NUDCD1: variants seen among roughly 807,000 people sequenced by gnomAD.
The protein encoded by NUDCD1 is NudC domain containing 1, also known as nudC domain-containing protein 1.
NUDCD1 carries 60 observed loss-of-function variants against 67.8 expected under a neutral mutation model. The observed-to-expected ratio is 0.88, with a 90% confidence interval of 0.72 to 1.10. The LOEUF (loss-of-function observed/expected upper bound fraction) is 1.10, where lower values mean the gene tolerates loss of function less well. Ranked by LOEUF, NUDCD1 falls within the 50% of genes least tolerant of loss-of-function variation. The pLI is 0.00. For synonymous variants in NUDCD1, 244 were observed against 230.8 expected (o/e 1.06, Z -0.52); for missense variants, 643 against 695.0 (o/e 0.93, Z 0.84).
intron 2 of NUDCD1, among the ~76,000 whole-genome samples, chr8:109,311,771 G>A (rs895715773): frequency 6.6e-6 from 1 of 151,628 alleles, no homozygotes; most frequent in Non-Finnish European, 1.5e-5. Flanking sequence ...GGACTCGGGG[G>A]AAAGAGTGGG....
chr8:109,270,841 G>A (rs972813626), intron 8 of NUDCD1, among the ~76,000 whole-genome samples, 164 bp downstream of exon 8: 22 of 152,108 alleles, frequency 1.4e-4, no homozygotes, highest in African/African-American at 5.3e-4. Flanking sequence ...ATACAACACT[G>A]TTTTGCTGAG....
chr8:109,256,191 C>T (rs1241829814), intron 8 of NUDCD1, among the ~76,000 whole-genome samples: 1 of 151,978 alleles, frequency 6.6e-6, no homozygotes, highest in African/African-American at 2.4e-5. Context: ...AGAGCGATAC[C>T]CGTCTCAAAA....
intron 2 of NUDCD1, among the ~76,000 whole-genome samples, chr8:109,312,758 G>C (rs1815288090): frequency 6.6e-6 from 1 of 152,174 alleles, no homozygotes; most frequent in African/African-American, 2.4e-5. Context: ...TTACTAGCTA[G>C]CCTGGCACTA....
intron 8 of NUDCD1, among the ~76,000 whole-genome samples, chr8:109,257,173 TA>T (rs1813759690): frequency 6.6e-6 from 1 of 151,982 alleles, no homozygotes; most frequent in African/African-American, 2.4e-5. Context: ...GAAAAAGAAA[TA>T]AAACGTATGC....
At chr8:109,272,935 T>C (rs563933833) in intron 7 of NUDCD1, among the ~76,000 whole-genome samples, 4 of 152,250 alleles carry the variant, frequency 2.6e-5, no homozygotes, top group South Asian at 4.1e-4. Flanking sequence ...TCCAGCAGAA[T>C]AGAGAAAGTA....
intron 2 of NUDCD1, among the ~76,000 whole-genome samples, chr8:109,312,937 C>T (rs1329152011): frequency 2.6e-5 from 4 of 152,336 alleles, no homozygotes; most frequent in South Asian, 4.1e-4. Flanking sequence ...CCAATATAAG[C>T]AGCTGCAGCT....
At chr8:109,329,849 C>G in intron 1 of NUDCD1, 1 of 1,550,352 alleles carries the variant, frequency 6.5e-7, no homozygotes, top group East Asian at 2.4e-5. Flanking sequence ...AAACGATGGA[C>G]ATGGGACCCT....
chr8:109,284,962 A>G (rs1336711003), intron 5 of NUDCD1, among the ~76,000 whole-genome samples: 1 of 151,184 alleles, frequency 6.6e-6, no homozygotes, highest in African/African-American at 2.4e-5. Flanking sequence ...AATAAACACA[A>G]TCAGAAATGA....
intron 5 of NUDCD1, among the ~76,000 whole-genome samples, chr8:109,283,427 T>A (rs1814502087): frequency 6.6e-6 from 1 of 152,062 alleles, no homozygotes; most frequent in Admixed American, 6.5e-5. Flanking sequence ...CATTCAGGTA[T>A]AAGAAATCCA....
At chr8:109,306,899 C>A (rs769505955) in intron 2 of NUDCD1, among the ~76,000 whole-genome samples, 3 of 152,102 alleles carry the variant, frequency 2.0e-5, no homozygotes, top group Non-Finnish European at 2.9e-5. Flanking sequence ...TCCCATGCTG[C>A]CCCTAATCCC....
chr8:109,262,605 G>T (rs1471553198), intron 8 of NUDCD1, among the ~76,000 whole-genome samples: 19 of 152,156 alleles, frequency 1.2e-4, no homozygotes, highest in Non-Finnish European at 4.4e-5. Flanking sequence ...TCAGAATTGG[G>T]TATTTGGCAA....
intron 3 of NUDCD1, among the ~76,000 whole-genome samples, chr8:109,294,987 CA>C (rs1453694878): frequency 1.3e-5 from 2 of 152,108 alleles, no homozygotes; most frequent in Non-Finnish European, 2.9e-5. Flanking sequence ...CCTCTCCCAC[CA>C]GTATCTAGTC....
chr8:109,285,360 C>T (rs545807866), intron 5 of NUDCD1, among the ~76,000 whole-genome samples: 1 of 151,762 alleles, frequency 6.6e-6, no homozygotes, highest in Non-Finnish European at 1.5e-5. Context: ...AAGACACACA[C>T]AAAAAAACTA....
At chr8:109,314,370 C>T (rs1815336477) in intron 2 of NUDCD1, among the ~76,000 whole-genome samples, 1 of 152,016 alleles carries the variant, frequency 6.6e-6, no homozygotes, top group African/African-American at 2.4e-5. Flanking sequence ...TGACTTTTTG[C>T]CATGTCATGT....
intron 8 of NUDCD1, among the ~76,000 whole-genome samples, chr8:109,270,067 C>CGGG (rs1171291973): frequency 2.2e-4 from 1 of 4,554 alleles, no homozygotes. Context: ...GTGGCGGGGG[C>CGGG]GGGGGGGGGG....
At chr8:109,322,583 G>A (rs1174545187) in intron 1 of NUDCD1, 120 bp from the exon 2 acceptor site, 1 of 641,550 alleles carries the variant, frequency 1.6e-6, no homozygotes, top group Non-Finnish European at 2.7e-6. Context: ...AGGCCTTCAG[G>A]ACAATTCAGT....
intron 2 of NUDCD1, among the ~76,000 whole-genome samples, chr8:109,318,931 C>T (rs1815466894): frequency 6.6e-6 from 1 of 151,388 alleles, no homozygotes; most frequent in South Asian, 2.1e-4. Context: ...AAACTATAGT[C>T]CACAGGCCAA....
In NUDCD1 at chr8:109,293,491, TA is replaced by T. The variant is rs766225068; in HGVS notation, c.492del (p.Phe164LeufsTer3). 31 of 1,564,032 alleles carry T rather than the reference TA, an allele frequency of 2.0e-5. No individual in the cohort carries two copies. The highest frequency in any genetic ancestry group is 2.6e-5 in the Non-Finnish European group (30 of 1,159,230). ...IMFNEELGDP[F>X]IIIHSISLLN... ...AGCAGTGAGATACTGTGAATTATAA[TA>T]AAAGGATCCCCAAGTTCTTCATTAA... On this transcript the variant is annotated frameshift_variant, in exon 4 of 10. Transcript: ENST00000239690. LOFTEE classifies it high-confidence loss of function.
At chr8:109,332,341 G>A (rs1339649201) in intron 1 of NUDCD1, among the ~76,000 whole-genome samples, 4 of 152,118 alleles carry the variant, frequency 2.6e-5, no homozygotes, top group African/African-American at 4.8e-5. Context: ...GAGCTGACCG[G>A]ACTTGCTACC....
Sources: gnomAD v4.1 joint callset for allele counts (sites outside exome capture counted in the v4.1 genomes callset) on GRCh38, gnomAD v4.1.1 for gene constraint, MANE v1.5 for transcripts, NCBI Gene and HGNC (gene_info 2026-07-23, HGNC 2026-07-21) for gene names.